Variants in CALD1 observed in about 807,000 individuals in gnomAD.
CALD1 encodes the protein caldesmon.
CALD1 carries 33 observed loss-of-function variants against 99.9 expected under a neutral mutation model. That is an observed-to-expected ratio of 0.33 (90% confidence interval 0.25 to 0.44). The LOEUF is 0.44. Ranked by LOEUF, CALD1 falls within the 20% of genes least tolerant of loss-of-function variation. The pLI, the probability that CALD1 is intolerant of heterozygous loss-of-function variation, is 1.00. For missense variants in CALD1, 861 were observed against 962.1 expected (o/e 0.89, Z 1.39); for synonymous variants, 310 against 325.0 (o/e 0.95, Z 0.50).
chr7:134,759,416 G>C (rs1796757809), intron 1 of CALD1, among the ~76,000 whole-genome samples: 1 of 152,184 alleles, frequency 6.6e-6, no homozygotes, highest in South Asian at 2.1e-4. Flanking sequence ...AGTCATAAAG[G>C]TTACCTAGAA....
At chr7:134,896,704 T>G (rs1438424390) in intron 3 of CALD1, among the ~76,000 whole-genome samples, 1 of 152,220 alleles carries the variant, frequency 6.6e-6, no homozygotes, top group African/African-American at 2.4e-5. Flanking sequence ...CTTTGATCTA[T>G]TGATCCTTGA....
chr7:134,745,653 C>T (rs2131540260), intron 1 of CALD1: 1 of 152,316 alleles, frequency 6.6e-6, no homozygotes, highest in East Asian at 1.9e-4. Flanking sequence ...TCAGCTCTCA[C>T]CTCATGGACC....
chr7:134,806,907 C>T (rs1798161527), intron 1 of CALD1, among the ~76,000 whole-genome samples: 1 of 152,138 alleles, frequency 6.6e-6, no homozygotes, highest in African/African-American at 2.4e-5. Flanking sequence ...GTAAATGAAA[C>T]AGATTGCCTT....
chr7:134,741,695 G>A (rs979770570), upstream of CALD1, among the ~76,000 whole-genome samples: 6 of 152,064 alleles, frequency 3.9e-5, no homozygotes, highest in African/African-American at 1.5e-4. Flanking sequence ...AGTCACATGT[G>A]CAATAATAAT....
At chr7:134,809,718 T>C (rs549431296) in intron 1 of CALD1, 3 of 152,308 alleles carry the variant, frequency 2.0e-5, no homozygotes, top group South Asian at 2.1e-4. Flanking sequence ...GGTAGTCACA[T>C]TGGAAAACAA....
chr7:134,893,573 T>A (rs1246346977), intron 3 of CALD1, among the ~76,000 whole-genome samples: 1 of 152,070 alleles, frequency 6.6e-6, no homozygotes, highest in Non-Finnish European at 1.5e-5. Flanking sequence ...CCACCACTGT[T>A]TCTTGACTCA....
intron 1 of CALD1, among the ~76,000 whole-genome samples, chr7:134,753,263 T>C (rs978655427): frequency 2.0e-5 from 3 of 152,062 alleles, no homozygotes; most frequent in East Asian, 1.9e-4. Flanking sequence ...AACTCTCATA[T>C]GAGCAAATAA....
intron 2 of CALD1, among the ~76,000 whole-genome samples, chr7:134,852,474 T>G (rs547144835): frequency 1.3e-5 from 2 of 152,240 alleles, no homozygotes; most frequent in South Asian, 4.2e-4. Flanking sequence ...AGGAAGATCA[T>G]TTTTCCTGAA....
At chr7:134,824,747 G>A (rs974402) in intron 1 of CALD1, among the ~76,000 whole-genome samples, 46,311 of 151,910 alleles carry the variant, frequency 0.3, 8,908 homozygotes, top group East Asian at 0.67. Flanking sequence ...CCCCTCAATT[G>A]TACATACGGA....
the CALD1 span, among the ~76,000 whole-genome samples, chr7:134,733,629 A>G: frequency 6.6e-6 from 1 of 151,940 alleles, no homozygotes. Context: ...TAACATGGTG[A>G]AACCCCGTCT....
At chr7:134,879,968 GAGAGTCTCC>G (rs981332696) in intron 3 of CALD1, among the ~76,000 whole-genome samples, 4 of 152,174 alleles carry the variant, frequency 2.6e-5, no homozygotes, top group African/African-American at 9.7e-5. Context: ...GTACATTCAG[GAGAGTCTCC>G]AGAGTGTATT....
intron 3 of CALD1, among the ~76,000 whole-genome samples, chr7:134,893,335 A>G (rs993591300): frequency 6.6e-6 from 1 of 152,082 alleles, no homozygotes. Flanking sequence ...ACAGCATTCA[A>G]ATTTCTCCAC....
intron 1 of CALD1, among the ~76,000 whole-genome samples, chr7:134,771,381 T>C (rs1022898102): frequency 3.9e-5 from 6 of 152,186 alleles, no homozygotes; most frequent in Admixed American, 3.9e-4. Flanking sequence ...TTCTATTCAA[T>C]AGCACTCCCA....
intron 6 of CALD1, among the ~76,000 whole-genome samples, chr7:134,936,868 T>C (rs1446522130): frequency 6.6e-6 from 1 of 152,140 alleles, no homozygotes; most frequent in African/African-American, 2.4e-5. Context: ...AAGGAGAAAG[T>C]GTAAATGTTA....
chr7:134,848,733 A>G (rs1375194674), intron 2 of CALD1, among the ~76,000 whole-genome samples: 1 of 152,248 alleles, frequency 6.6e-6, no homozygotes, highest in Non-Finnish European at 1.5e-5. Context: ...GATTTCACAC[A>G]GAATTACAAA....
Position 134,892,376 on chromosome 7 carries a change from G to A in CALD1, c.71+24572G>A, listed in dbSNP as rs539115281. ...CATGTCTTTGTACTCTCATGCAAAG[G>A]GCCGTTTTCACACTGGTGTTTATGA... On this transcript the variant is annotated intron_variant, in intron 3 of 14. Transcript: ENST00000361675. Among the ~76,000 whole-genome samples the A allele has an allele frequency of 6.6e-5, 10 of 152,262 alleles. No individual in the cohort carries two copies. In the South Asian group the frequency reaches 2.1e-3, roughly 32 times the overall value.
chr7:134,865,481 ACG>A (rs1800764032), intron 2 of CALD1, among the ~76,000 whole-genome samples: 2 of 152,164 alleles, frequency 1.3e-5, no homozygotes, highest in Admixed American at 1.3e-4. Context: ...GAAATGGCAC[ACG>A]CTCTCTCTCT....
Position 134,960,030 on chromosome 7 carries a change from T to C in CALD1, c.2118T>C (p.Ala706=), listed in dbSNP as rs997740883. 1.2e-5 allele frequency: 19 copies of C among 1,614,080 alleles called. No homozygotes were observed. The highest frequency in any genetic ancestry group is 1.6e-5 in the Non-Finnish European group (19 of 1,180,034). The change falls in exon 12 of 15, where the codon GCT becomes GCC. Residue 706 remains alanine, a synonymous_variant. Transcript: ENST00000361675. Reference sequence around the variant, plus strand: ...CAGCCTCGGATCTTCCTGTTCCTGCTGAAGGTGTACGCAACATCAAGAGTA... The same window carrying C: ...CAGCCTCGGATCTTCCTGTTCCTGCCGAAGGTGTACGCAACATCAAGAGTA... The part of the protein sequence containing the change: ...KPAASDLPVP[A]EGVRNIKSMW...
chr7:134,861,339 T>C (rs2132281100), intron 2 of CALD1, among the ~76,000 whole-genome samples: 1 of 152,210 alleles, frequency 6.6e-6, no homozygotes, highest in Non-Finnish European at 1.5e-5. Flanking sequence ...AGATCAGAGG[T>C]AGGAAATCTG....
Sources: allele counts gnomAD v4.1 joint callset (sites outside exome capture counted in the v4.1 genomes callset), GRCh38; gene constraint gnomAD v4.1.1; transcripts MANE v1.5; gene names NCBI Gene and HGNC (gene_info 2026-07-23, HGNC 2026-07-21).